The following PFKFB4 variants were observed in gnomAD, a reference collection of about 807,000 sequenced individuals.
PFKFB4 encodes the protein 6-phosphofructo-2-kinase/fructose-2,6-biphosphatase 4.
PFKFB4 carries 42 observed loss-of-function variants against 62.8 expected under a neutral mutation model. That is an observed-to-expected ratio of 0.67 (90% CI 0.52 to 0.86). The LOEUF is 0.86. PFKFB4 is among the 40% of genes least tolerant of loss of function. PFKFB4 has a pLI of 0.00. For missense variants in PFKFB4, 475 were observed against 627.2 expected (o/e 0.76, Z 2.59); for synonymous variants, 204 against 240.7 (o/e 0.85, Z 1.41).
In PFKFB4 at chr3:48,539,648, A is replaced by AGG. The variant is rs1288605001; in HGVS notation, c.453+47_453+48dup. 1.5e-5 allele frequency: 22 copies of AGG among 1,464,950 alleles called. No homozygotes were observed. The Admixed American group carries it at 2.3e-4, about 16-fold the overall frequency. 90.7% of individuals were successfully genotyped at this position (1,464,950 alleles called of 1,614,324 possible). A position where few individuals can be genotyped will look rare whatever the true frequency, so the allele number is the denominator to read the frequency against. On this transcript the variant is annotated intron_variant, in intron 5 of 13. Transcript: ENST00000232375. ...GGCGGTGAAAGGAGCCCTGGAGGGC[A>AGG]GGGGACATGCCACAGTTCCGCCAAG...
At position 48,519,446 on chromosome 3, in the gene PFKFB4, G is replaced by A. The variant is rs900693760; in HGVS notation, c.*301C>T. 5.0e-6 allele frequency: 2 copies of A among 397,606 alleles called. No homozygotes were observed. Among genetic ancestry groups the A allele is most frequent in the South Asian group, 4.5e-5 (1 of 22,230 alleles). The allele number at this position is 397,606 out of a possible 1,614,324, so 24.6% of individuals were successfully genotyped here. On this transcript the variant is annotated 3_prime_UTR_variant, in exon 14 of 14. Transcript: ENST00000232375. The stretch of plus-strand genomic sequence containing the variant: ...TTCACAAAGCCAACTGAGCTGGCGA[G>A]AGTGAACACCTAAGAGCTGCGCCGG...
At chr3:48,538,442 T>A (rs2042694008) in intron 7 of PFKFB4, 56 bp downstream of exon 7, 2 of 1,599,786 alleles carry the variant, frequency 1.3e-6, no homozygotes, top group Non-Finnish European at 1.7e-6. Flanking sequence ...GGCAGCCAAG[T>A]ATGACCCCTG....
At chr3:48,539,812 G>T (rs775366669) in intron 4 of PFKFB4, 41 bp from the exon 5 acceptor site, 2 of 1,535,568 alleles carry the variant, frequency 1.3e-6, no homozygotes, top group Non-Finnish European at 1.8e-6. Flanking sequence ...TGGCCCTGGG[G>T]AAGGAAGGGG....
chr3:48,527,684 C>CCTTTT (rs1491452453), intron 9 of PFKFB4, among the ~76,000 whole-genome samples: 10 of 121,214 alleles, frequency 8.2e-5, no homozygotes, highest in African/African-American at 3.1e-4. Flanking sequence ...CGTCCATCAT[C>CCTTTT]TTTTTTTTTT....
intron 9 of PFKFB4, 82 bp downstream of exon 9, chr3:48,535,430 G>A (rs2107519624): frequency 1.6e-6 from 2 of 1,246,020 alleles, no homozygotes; most frequent in Non-Finnish European, 2.3e-6. Flanking sequence ...CCCAAGGGGA[G>A]CAATGGTCAC....
rs1256083185 is a variant in PFKFB4, at chr3:48,538,608, C to T, written c.522G>A (p.Leu174=). 2 of 1,614,180 alleles carry T rather than the reference C, an allele frequency of 1.2e-6. No homozygotes were observed. The highest frequency in any genetic ancestry group is 1.7e-6 in the Non-Finnish European group (2 of 1,180,036). The change falls in exon 7 of 14, where the codon CTG becomes CTA. Residue 174 remains leucine (L), a synonymous_variant. Coordinates refer to ENST00000232375, the MANE Select transcript of PFKFB4 (RefSeq NM_004567.4). ...CGCGGTTGACATAGTCAGGGCTGCC[C>T]AGTTTCACTTGCTGCCGGAGCCAGG... is the stretch of plus-strand genomic sequence containing the variant. ...VIAANIVQVK[L]GSPDYVNRDS...
At chr3:48,526,922 C>G (rs2042279262) in intron 9 of PFKFB4, among the ~76,000 whole-genome samples, 1 of 142,742 alleles carries the variant, frequency 7.0e-6, no homozygotes, top group South Asian at 2.2e-4. Flanking sequence ...GCCTGGGTGA[C>G]AGAGCGAGAC....
At chr3:48,536,809 T>G (rs1459686556) in intron 7 of PFKFB4, 1 of 263,254 alleles carries the variant, frequency 3.8e-6, no homozygotes, top group African/African-American at 2.2e-5. Context: ...CTCCGCACTC[T>G]CAATACACTG....
chr3:48,543,375 A>G (rs1018891812), intron 4 of PFKFB4, among the ~76,000 whole-genome samples: 8 of 152,240 alleles, frequency 5.3e-5, no homozygotes, highest in African/African-American at 1.7e-4. Flanking sequence ...CGGCCACCAC[A>G]TGCCCAGAGG....
In PFKFB4 at chr3:48,538,553, T is replaced by G; in HGVS notation, c.577A>C (p.Arg193=). 6.2e-7 allele frequency: 1 copy of G among 1,614,166 alleles called. No individual in the cohort carries two copies. Residue 193 remains arginine, a synonymous_variant, in exon 7 of 14, where the codon AGG becomes CGG. Coordinates refer to ENST00000232375, the MANE Select transcript of PFKFB4 (RefSeq NM_004567.4). ...GAGTTCTCATAGCACTCAATGCGCC[T>G]CATGAAGTCCTCCGTAGCCTCATCA... The part of the protein sequence containing the change: ...DSDEATEDFM[R]RIECYENSYE...
chr3:48,561,083 C>T, upstream of PFKFB4: 1 of 1,283,998 alleles, frequency 7.8e-7, no homozygotes, highest in East Asian at 5.8e-5. This position sits in a 1 kb window ranked among gnomAD's most constrained non-coding sequence, Gnocchi z 5.2. Flanking sequence ...CCAGGTCGGT[C>T]AGGGAGCTGC....
At chr3:48,535,388 G>A in intron 9 of PFKFB4, 124 bp downstream of exon 9, 1 of 859,900 alleles carries the variant, frequency 1.2e-6, no homozygotes, top group Non-Finnish European at 1.8e-6. Context: ...CAGCCCCTAG[G>A]TTCCTGTATC....
Position 48,538,527 on chromosome 3 carries a change from G to T in PFKFB4, c.603C>A (p.Ser201=). Residue 201 remains serine, a synonymous_variant, in exon 7 of 14, where the codon TCC becomes TCA. Coordinates refer to ENST00000232375, the MANE Select transcript of PFKFB4 (RefSeq NM_004567.4). ...FMRRIECYEN[S]YESLDEDLDR... is the part of the protein sequence containing the mutation. ...CCAGGTCCTCATCTAGCGACTCGTAGGAGTTCTCATAGCACTCAATGCGCC... is the reference window on the plus strand; with the variant it reads ...CCAGGTCCTCATCTAGCGACTCGTATGAGTTCTCATAGCACTCAATGCGCC... 6.2e-7 allele frequency: 1 copy of T among 1,614,130 alleles called. No individual in the cohort carries two copies.
At chr3:48,542,882 C>A (rs1392091600) in intron 4 of PFKFB4, among the ~76,000 whole-genome samples, 1 of 152,200 alleles carries the variant, frequency 6.6e-6, no homozygotes, top group Non-Finnish European at 1.5e-5. Context: ...TCCCCAAGCA[C>A]CTTTCTCAGG....
Position 48,539,717 on chromosome 3 carries a change from C to G in PFKFB4, c.433G>C (p.Gly145Arg). 1.2e-6 allele frequency: 2 copies of G among 1,614,054 alleles called. No individual in the cohort carries two copies. Residue 145 changes from glycine to arginine, a missense_variant, in exon 5 of 14, where the codon GGA (glycine) becomes CGA (arginine). Transcript: ENST00000232375. ...RERRATIFNF[G>R]EQNGYKTFFV... The stretch of plus-strand genomic sequence containing the variant: ...CTCACCTTGTAGCCATTCTGTTCTC[C>G]AAAATTAAAGATGGTCGCTCTCCGT...
rs1455173565 is a variant in PFKFB4 at position 48,538,904 on chromosome 3, C to A, written c.511-285G>T. Among the ~76,000 whole-genome samples, 4 of 152,302 alleles carry A rather than the reference C, an allele frequency of 2.6e-5. No homozygotes were observed. In the East Asian group the frequency reaches 7.7e-4, roughly 29 times the overall value. The stretch of plus-strand genomic sequence containing the variant: ...TTCCCCACCCTGAACTCTCATTTTC[C>A]CAGACCCAGATGCCCATTCCTCAGA... On this transcript the variant is annotated intron_variant, in intron 6 of 13. Coordinates refer to ENST00000232375, the MANE Select transcript of PFKFB4 (RefSeq NM_004567.4).
At chr3:48,561,298 CCAGT>C (rs959181052), upstream of PFKFB4, 14 of 278,746 alleles carry the variant, frequency 5.0e-5, no homozygotes, top group Non-Finnish European at 1.0e-4. The surrounding 1 kb of genome is among the most constrained non-coding windows in gnomAD (Gnocchi z 5.2). Flanking sequence ...TGCCCCCACT[CCAGT>C]CAGCCGGCCA....
At chr3:48,562,603 T>C (rs1177355997), upstream of PFKFB4, 1 of 635,726 alleles carries the variant, frequency 1.6e-6, no homozygotes, top group Non-Finnish European at 2.6e-6. This position sits in a 1 kb window ranked among gnomAD's most constrained non-coding sequence, Gnocchi z 4.3. Flanking sequence ...TGTGGGGCAC[T>C]CAGATCTGAT....
chr3:48,549,760 G>C (rs1318654684), intron 3 of PFKFB4, 104 bp downstream of exon 3: 1 of 758,652 alleles, frequency 1.3e-6, no homozygotes, highest in African/African-American at 1.7e-5. Flanking sequence ...TTCACCAGCA[G>C]CTCCACTCCA....
Sources: gnomAD v4.1 joint callset for allele counts (sites outside exome capture counted in the v4.1 genomes callset) on GRCh38, gnomAD v4.1.1 for gene constraint, Gnocchi (gnomAD v3.1) non-coding constraint, MANE v1.5 for transcripts, NCBI Gene and HGNC (gene_info 2026-07-23, HGNC 2026-07-21) for gene names.